Variants in AGBL1 observed in about 807,000 individuals in gnomAD.
AGBL1 encodes the protein cytosolic carboxypeptidase 4.
Under a neutral mutation model 118.9 loss-of-function variants are expected in AGBL1, and 130 were observed. That is an observed-to-expected ratio of 1.09 (90% CI 0.95 to 1.26). The LOEUF is 1.26. Ranked by LOEUF, AGBL1 falls within the 50% of genes most tolerant of loss-of-function variation. The pLI is 0.00. For synonymous variants in AGBL1, 555 were observed against 478.9 expected, an observed-to-expected ratio of 1.16 and a Z score of -2.08; for missense variants, 1,584 against 1,298.1, an observed-to-expected ratio of 1.22 and a Z score of -3.38.
At chr15:86,671,537 A>C (rs2085746547) in intron 21 of AGBL1, among the ~76,000 whole-genome samples, 1 of 152,176 alleles carries the variant, frequency 6.6e-6, no homozygotes, top group South Asian at 2.1e-4. Flanking sequence ...TTTATTCATA[A>C]ACTTTCTACT....
chr15:86,340,299 C>G lies in AGBL1; in HGVS notation c.2374+44891C>G, dbSNP rs540597262. Among the ~76,000 whole-genome samples, 1,080 of 151,920 alleles carry G rather than the reference C, an allele frequency of 7.1e-3. 10 individuals are homozygous for G. The highest frequency in any genetic ancestry group is 0.011 in the Non-Finnish European group (721 of 67,980). On this transcript the variant is annotated intron_variant, in intron 17 of 22. Coordinates refer to ENST00000614907, the MANE Select transcript of AGBL1 (RefSeq NM_001386094.1). ...AGTTGAATATTGCCTCCACTGCCCC[C>G]CCCCCATTCATGTCTATTCAGAAGC... is the stretch of plus-strand genomic sequence containing the variant.
intron 24 of AGBL1, among the ~76,000 whole-genome samples, chr15:87,007,639 T>G (rs1433446): frequency 0.86 from 131,598 of 152,160 alleles, 57,356 homozygotes; most frequent in South Asian, 0.98. Context: ...ATATAAAGGA[T>G]AAAGGAATTA....
At position 86,186,228 on chromosome 15, in the gene AGBL1, G is replaced by A. The variant is rs560043526; in HGVS notation, c.488+27202G>A. ...ACAGGCGCTGGGACTTGCAGGGGGC[G>A]GGGCATGGGGAGGGAGGGTATCAGG... is the stretch of plus-strand genomic sequence containing the variant. On this transcript the variant is annotated intron_variant, in intron 5 of 22. Coordinates refer to ENST00000614907, the MANE Select transcript of AGBL1 (RefSeq NM_001386094.1). 6.6e-5 allele frequency among the ~76,000 whole-genome samples: 10 copies of A among 152,190 alleles called. No individual in the cohort carries two copies. In the East Asian group the frequency reaches 7.7e-4, roughly 12 times the overall value.
rs543981363 is a variant in AGBL1 at position 86,991,440 on chromosome 15, ATATT to A, written c.3323+3378_3323+3381del. Among the ~76,000 whole-genome samples, 168 of 151,570 alleles carry A rather than the reference ATATT, an allele frequency of 1.1e-3. 1 individual carries two copies. Among genetic ancestry groups the A allele is most frequent in the African/African-American group, 3.4e-3 (141 of 41,292 alleles). ...TGTACTTTTTGTTCATTTCAGATTT[ATATT>A]TATTTATTTATTTATTTATTTATTT... On this transcript the variant is annotated intron_variant, in intron 24 of 24. Coordinates refer to the AGBL1 transcript ENST00000441037.
At chr15:86,522,660 T>G in intron 18 of AGBL1, 150 bp from the exon 19 acceptor site, 1 of 983,782 alleles carries the variant, frequency 1.0e-6, no homozygotes, top group Non-Finnish European at 1.5e-6. Context: ...GATCTACAGC[T>G]TTCTAGACAT....
chr15:86,426,197 G>A (rs771906841), intron 18 of AGBL1, among the ~76,000 whole-genome samples: 3 of 152,122 alleles, frequency 2.0e-5, no homozygotes, highest in Non-Finnish European at 4.4e-5. Context: ...GAAAGACTGC[G>A]AATTCTTTGA....
chr15:86,197,313 G>A (rs556490754), intron 5 of AGBL1, among the ~76,000 whole-genome samples: 2 of 152,342 alleles, frequency 1.3e-5, no homozygotes, highest in African/African-American at 2.4e-5. Flanking sequence ...CGCAGAGAAA[G>A]CCTCCACCTG....
intron 17 of AGBL1, chr15:86,304,916 A>C (rs2079814481): frequency 6.6e-6 from 1 of 152,230 alleles, no homozygotes; most frequent in Non-Finnish European, 1.5e-5. Context: ...CACTACCTCA[A>C]GTGGTATGAG....
At chr15:86,672,029 G>A (rs988683259) in intron 21 of AGBL1, among the ~76,000 whole-genome samples, 6 of 152,072 alleles carry the variant, frequency 3.9e-5, no homozygotes, top group East Asian at 1.9e-4. Flanking sequence ...CTGTGATAGC[G>A]CCACTGTACT....
intron 24 of AGBL1, among the ~76,000 whole-genome samples, chr15:87,003,154 C>G (rs758814588): frequency 4.0e-5 from 6 of 150,884 alleles, no homozygotes; most frequent in Non-Finnish European, 5.9e-5. Flanking sequence ...TACGTCCCTT[C>G]AATACCTAAT....
chr15:86,247,779 G>A lies in AGBL1; in HGVS notation c.635G>A (p.Arg212Gln), dbSNP rs1378224580. ...GCCAACGCCTACGTGCAGATCCGAC[G>A]GGGCTTGCTGCTCTGCCTCAGGCAC... ...DTANAYVQIR[R>Q]GLLLCLRHIA... The change falls in exon 7 of 23, where the codon CGG becomes CAG. Residue 212 changes from arginine to glutamine, a missense_variant. By Grantham distance (43) the Arg-to-Gln change is conservative. Coordinates refer to ENST00000614907, the MANE Select transcript of AGBL1 (RefSeq NM_001386094.1). 14 of 1,613,822 alleles carry A rather than the reference G, an allele frequency of 8.7e-6. No homozygotes were observed. The highest frequency in any genetic ancestry group is 1.6e-4 in the Middle Eastern group (1 of 6,082).
intron 5 of AGBL1, among the ~76,000 whole-genome samples, chr15:86,209,245 C>T (rs1199512045): frequency 1.3e-5 from 2 of 152,108 alleles, no homozygotes; most frequent in African/African-American, 4.8e-5. Flanking sequence ...ATTATGTGGT[C>T]TATTTTAGAA....
At chr15:86,842,032 G>A (rs1392043164) in intron 22 of AGBL1, among the ~76,000 whole-genome samples, 2 of 151,752 alleles carry the variant, frequency 1.3e-5, no homozygotes, top group African/African-American at 4.8e-5. Context: ...GGCACATTAA[G>A]GTGGATGGAT....
At chr15:86,088,914 A>C (rs900743234) in intron 1 of AGBL1, among the ~76,000 whole-genome samples, 2 of 152,066 alleles carry the variant, frequency 1.3e-5, no homozygotes, top group Admixed American at 1.3e-4. Flanking sequence ...TTCTTCCATC[A>C]TGGTTGGAAT....
At chr15:86,377,581 C>T (rs984338118) in intron 17 of AGBL1, among the ~76,000 whole-genome samples, 6 of 152,172 alleles carry the variant, frequency 3.9e-5, no homozygotes, top group Non-Finnish European at 7.3e-5. Context: ...GTCCCAAAGG[C>T]TTCTCTCATT....
At chr15:86,978,434 A>G (rs1323449663) in intron 23 of AGBL1, among the ~76,000 whole-genome samples, 1 of 152,242 alleles carries the variant, frequency 6.6e-6, no homozygotes, top group Admixed American at 6.5e-5. Context: ...ATTTAGACAA[A>G]TAGCTTCTGG....
At chr15:86,183,819 C>T (rs182816250) in intron 5 of AGBL1, among the ~76,000 whole-genome samples, 13 of 152,204 alleles carry the variant, frequency 8.5e-5, no homozygotes, top group East Asian at 3.9e-4. Flanking sequence ...GATGCCGTTA[C>T]GAAATTAAAT....
intron 4 of AGBL1, among the ~76,000 whole-genome samples, chr15:86,155,755 T>A (rs911303934): frequency 1.3e-5 from 2 of 152,106 alleles, no homozygotes; most frequent in Non-Finnish European, 2.9e-5. Flanking sequence ...TAATGAGTCA[T>A]AAAGCATGAA....
chr15:87,002,004 T>C (rs534223572), intron 24 of AGBL1, among the ~76,000 whole-genome samples: 138 of 152,238 alleles, frequency 9.1e-4, no homozygotes, highest in African/African-American at 3.2e-3. Context: ...TTGTCAATTT[T>C]GGCTTTGGTT....
Sources: gnomAD v4.1 joint callset for allele counts (sites outside exome capture counted in the v4.1 genomes callset) on GRCh38, gnomAD v4.1.1 for gene constraint, MANE v1.5 for transcripts, NCBI Gene and HGNC (gene_info 2026-07-23, HGNC 2026-07-21) for gene names.